Variants in FHOD3 observed in about 807,000 individuals in gnomAD.
The protein encoded by FHOD3 is FH1/FH2 domain-containing protein 3.
A neutral mutation model predicts 173.0 loss-of-function variants in FHOD3; 90 were observed. The observed-to-expected ratio is 0.52, with a 90% CI of 0.44 to 0.62. The LOEUF (loss-of-function observed/expected upper bound fraction) is 0.62, where lower values mean the gene tolerates loss of function less well. Ranked by LOEUF, FHOD3 falls within the 20% of genes least tolerant of loss-of-function variation. The probability of loss-of-function intolerance (pLI) is 0.00; values close to 1 mark genes in which losing one functional copy is unlikely to be tolerated. For missense variants in FHOD3, 1,945 were observed against 2,034.7 expected (o/e 0.96, Z 0.85); for synonymous variants, 828 against 823.0 (o/e 1.01, Z -0.10).
In FHOD3 at chr18:36,659,951, G is replaced by A. The variant is rs139740278; in HGVS notation, c.1835+1763G>A. Among the ~76,000 whole-genome samples the A allele has an allele frequency of 3.1e-3, 465 of 152,244 alleles. 4 individuals carry two copies. Among genetic ancestry groups the A allele is most frequent in the African/African-American group, 0.011 (437 of 41,542 alleles). ...AAGTGCCCCTGGGGATAAGGAGGGT[G>A]GGCAGTTAAACCAGGAATGGTAGAA... On this transcript the variant is annotated intron_variant, in intron 14 of 28. Coordinates refer to ENST00000590592, the MANE Select transcript of FHOD3 (RefSeq NM_001281740.3).
At chr18:36,592,288 G>A (rs1181304169) in intron 6 of FHOD3, among the ~76,000 whole-genome samples, 1 of 152,204 alleles carries the variant, frequency 6.6e-6, no homozygotes, top group African/African-American at 2.4e-5. Flanking sequence ...GAGTCAGGAA[G>A]GCATTTTCTA....
chr18:36,664,777 T>TGAGAGAGAGAGAGAGAGAGAGAGAGA (rs373836211), intron 14 of FHOD3, among the ~76,000 whole-genome samples: 1 of 129,522 alleles, frequency 7.7e-6, no homozygotes. Flanking sequence ...TGTGTGTATG[T>TGAGAGAGAGAGAGAGAGAGAGAGAGA]GAGAGAGAGA....
chr18:36,564,156 G>A (rs1414889651), intron 5 of FHOD3, among the ~76,000 whole-genome samples: 7 of 152,298 alleles, frequency 4.6e-5, no homozygotes, highest in African/African-American at 1.2e-4. Context: ...TGACCCTGCT[G>A]CAGAGTCCAT....
chr18:36,544,333 A>G (rs1405849676), intron 5 of FHOD3, among the ~76,000 whole-genome samples: 1 of 152,248 alleles, frequency 6.6e-6, no homozygotes, highest in Non-Finnish European at 1.5e-5. Context: ...TGAAGAGCAC[A>G]TGCTGTTTGC....
chr18:36,386,753 A>G (rs774941034), intron 3 of FHOD3, among the ~76,000 whole-genome samples: 1 of 152,146 alleles, frequency 6.6e-6, no homozygotes, highest in Non-Finnish European at 1.5e-5. Flanking sequence ...GGCTGTCCCC[A>G]GGGTTTGAGG....
At chr18:36,610,613 G>T (rs1033870429) in intron 8 of FHOD3, among the ~76,000 whole-genome samples, 1 of 152,174 alleles carries the variant, frequency 6.6e-6, no homozygotes, top group Non-Finnish European at 1.5e-5. Flanking sequence ...GCAGTGACTG[G>T]TGTCCTCTTT....
intron 19 of FHOD3, among the ~76,000 whole-genome samples, chr18:36,724,528 C>T (rs2040955609): frequency 1.3e-5 from 2 of 152,152 alleles, no homozygotes; most frequent in Admixed American, 1.3e-4. Flanking sequence ...CTGTTTGAAG[C>T]CTCACCCTAG....
At chr18:36,374,464 A>G (rs920096370) in intron 3 of FHOD3, among the ~76,000 whole-genome samples, 2 of 152,256 alleles carry the variant, frequency 1.3e-5, no homozygotes, top group African/African-American at 4.8e-5. Context: ...AATATTTCAT[A>G]AACTAATTAA....
intron 7 of FHOD3, among the ~76,000 whole-genome samples, chr18:36,600,296 C>T (rs1157889634): frequency 6.9e-6 from 1 of 145,856 alleles, no homozygotes; most frequent in Non-Finnish European, 1.5e-5. Flanking sequence ...CACATATGCA[C>T]ACATACACAC....
At chr18:36,310,931 G>A (rs118063678) in intron 1 of FHOD3, among the ~76,000 whole-genome samples, 1 of 152,104 alleles carries the variant, frequency 6.6e-6, no homozygotes. Context: ...TGGGCCCGGG[G>A]CTAAGCTAAT....
rs138851388 is a variant in FHOD3 at position 36,761,182 on chromosome 18, A to G, written c.4624+400A>G. Among the ~76,000 whole-genome samples, 187 of 152,280 alleles carry G rather than the reference A, an allele frequency of 1.2e-3. No homozygotes were observed. The Middle Eastern group carries it at 0.014, about 11-fold the overall frequency. ...GCAGAGTTGAGCCACTGTGGCAGAC[A>G]CTGTAGGACCTACAGAGCCTAAAAC... On this transcript the variant is annotated intron_variant, in intron 27 of 28. Transcript: ENST00000590592.
chr18:36,764,122 CTCT>C (rs1218769315), intron 27 of FHOD3, among the ~76,000 whole-genome samples: 1 of 152,148 alleles, frequency 6.6e-6, no homozygotes, highest in Non-Finnish European at 1.5e-5. Flanking sequence ...GAAAGGTACC[CTCT>C]TCTTGACCAG....
At chr18:36,683,403 C>T (rs941721521) in intron 15 of FHOD3, among the ~76,000 whole-genome samples, 2 of 152,204 alleles carry the variant, frequency 1.3e-5, no homozygotes, top group African/African-American at 4.8e-5. Context: ...TCACTCCATC[C>T]TGTCTCTCCT....
chr18:36,350,314 A>C (rs978596474), intron 1 of FHOD3, among the ~76,000 whole-genome samples: 1 of 152,148 alleles, frequency 6.6e-6, no homozygotes, highest in African/African-American at 2.4e-5. Context: ...CTCCCACCAG[A>C]ATCCTGGCCA....
At chr18:36,562,436 A>G (rs1382670310) in intron 5 of FHOD3, among the ~76,000 whole-genome samples, 1 of 152,200 alleles carries the variant, frequency 6.6e-6, no homozygotes, top group Non-Finnish European at 1.5e-5. Context: ...ATTATTTACT[A>G]TGTTGCATGA....
chr18:36,501,722 C>G (rs983874231), intron 3 of FHOD3, among the ~76,000 whole-genome samples: 2 of 152,134 alleles, frequency 1.3e-5, no homozygotes, highest in Non-Finnish European at 2.9e-5. Flanking sequence ...TCTGTCCCAT[C>G]TACACATTAT....
At chr18:36,678,913 CAG>C (rs764211424) in intron 14 of FHOD3, among the ~76,000 whole-genome samples, 24 of 146,036 alleles carry the variant, frequency 1.6e-4, no homozygotes, top group Non-Finnish European at 2.5e-4. Context: ...GCTTTAGTGT[CAG>C]AGTAATATGA....
intron 21 of FHOD3, among the ~76,000 whole-genome samples, chr18:36,741,652 T>A (rs1255566989): frequency 6.6e-6 from 1 of 152,016 alleles, no homozygotes; most frequent in Non-Finnish European, 1.5e-5. Context: ...GTACTTGTAG[T>A]CCCAGCTACT....
intron 5 of FHOD3, among the ~76,000 whole-genome samples, chr18:36,549,797 C>T (rs1375685468): frequency 6.6e-6 from 1 of 151,320 alleles, no homozygotes; most frequent in Non-Finnish European, 1.5e-5. Context: ...ATCCGCCTGC[C>T]TCAGCCTCTC....
Sources: gnomAD v4.1 joint callset for allele counts (sites outside exome capture counted in the v4.1 genomes callset) on GRCh38, gnomAD v4.1.1 for gene constraint, MANE v1.5 for transcripts, NCBI Gene and HGNC (gene_info 2026-07-23, HGNC 2026-07-21) for gene names.